The following TESMIN variants were observed in gnomAD, a reference collection of about 807,000 sequenced individuals.
The protein encoded by TESMIN is CXC domain containing 2.
TESMIN carries 34 observed loss-of-function variants against 47.4 expected under a neutral mutation model. The observed-to-expected ratio is 0.72, with a 90% CI of 0.55 to 0.96. TESMIN has a LOEUF of 0.96. TESMIN is among the 40% of genes least tolerant of loss of function. The pLI, the probability that TESMIN is intolerant of heterozygous loss-of-function variation, is 0.00. For missense variants in TESMIN, 610 were observed against 637.2 expected, an observed-to-expected ratio of 0.96 and a Z score of 0.46; for synonymous variants, 278 against 258.9, an observed-to-expected ratio of 1.07 and a Z score of -0.71.
chr11:68,751,148 CAGGAGAGG>C (rs1946601164), intron 1 of TESMIN, among the ~76,000 whole-genome samples: 1 of 15,158 alleles, frequency 6.6e-5, no homozygotes, highest in African/African-American at 3.2e-4. Context: ...AAGGGGCGGC[CAGGAGAGG>C]GGCCGGCCGG....
chr11:68,708,756 C>A (rs61887053), intron 9 of TESMIN, among the ~76,000 whole-genome samples: 1 of 101,734 alleles, frequency 9.8e-6, no homozygotes, highest in Admixed American at 1.1e-4. Flanking sequence ...CAAAGTGAGA[C>A]CCTTTTTTTT....
At chr11:68,740,195 G>A (rs1316906566) in intron 5 of TESMIN, among the ~76,000 whole-genome samples, 1 of 152,164 alleles carries the variant, frequency 6.6e-6, no homozygotes, top group African/African-American at 2.4e-5. Flanking sequence ...CAGGTTTGGG[G>A]TGGAACCTGA....
chr11:68,711,142 T>G, intron 8 of TESMIN, 93 bp from the exon 9 acceptor site: 1 of 1,109,296 alleles, frequency 9.0e-7, no homozygotes, highest in Non-Finnish European at 1.3e-6. Context: ...ATTCTTCGCG[T>G]ATATTTGCCC....
chr11:68,740,635 G>T (rs1334621012), intron 5 of TESMIN, among the ~76,000 whole-genome samples: 1 of 152,166 alleles, frequency 6.6e-6, no homozygotes, highest in African/African-American at 2.4e-5. Context: ...GCCAGATCCC[G>T]ACTTACACTC....
Position 68,750,254 on chromosome 11 carries a change from G to A in TESMIN, c.407C>T (p.Ala136Val). The A allele has an allele frequency of 2.6e-6, 4 of 1,539,768 alleles. No homozygotes were observed. The highest frequency in any genetic ancestry group is 2.6e-6 in the Non-Finnish European group (3 of 1,152,872). The change falls in exon 2 of 10, where the codon GCG (alanine) becomes GTG (valine). Residue 136 changes from alanine (A) to valine (V), a missense_variant. Transcript: ENST00000255087. ...SSLLPAHRSPAVLPLGAWVLE... is the reference protein window; with the variant it reads ...SSLLPAHRSPVVLPLGAWVLE... Reference sequence around the variant, plus strand: ...GACCCAGGCGCCCAGGGGCAACACCGCCGGGCTGCGGTGCGCGGGTAGCAG... The same window carrying A: ...GACCCAGGCGCCCAGGGGCAACACCACCGGGCTGCGGTGCGCGGGTAGCAG...
intron 5 of TESMIN, 27 bp downstream of exon 5, chr11:68,742,291 A>AT (rs762453257): frequency 7.0e-7 from 1 of 1,420,086 alleles, no homozygotes; most frequent in Non-Finnish European, 9.7e-7. Context: ...GCAAAATTGT[A>AT]TTTTTTAAAT....
At position 68,708,096 on chromosome 11, in the gene TESMIN, C is replaced by A; in HGVS notation, c.*212G>T. Reference sequence around the variant, plus strand: ...GGGAACCCAAGCTCTCTCCTCTGGGCCAGACAAACAATGCTCAGGCCATGC... The same window carrying A: ...GGGAACCCAAGCTCTCTCCTCTGGGACAGACAAACAATGCTCAGGCCATGC... On this transcript the variant is annotated 3_prime_UTR_variant, in exon 10 of 10. Transcript: ENST00000255087. The A allele has an allele frequency of 1.8e-6, 1 of 561,418 alleles. No homozygotes were observed. The highest frequency in any genetic ancestry group is 3.2e-6 in the Non-Finnish European group (1 of 314,640). 34.8% of individuals were successfully genotyped at this position (561,418 alleles called of 1,614,324 possible).
At position 68,742,317 on chromosome 11, in the gene TESMIN, C is replaced by T. The variant is rs762557653; in HGVS notation, c.828+1G>A. On this transcript the variant is annotated splice_donor_variant, in intron 5 of 9. Transcript: ENST00000255087. LOFTEE classifies it high-confidence loss of function. Reference sequence around the variant, plus strand: ...TTTTTTAAATTAAAACAATGACTCACTTGTTGTGTAATGAGATTTAATTTT... The same window carrying T: ...TTTTTTAAATTAAAACAATGACTCATTTGTTGTGTAATGAGATTTAATTTT... 8 of 1,571,998 alleles carry T rather than the reference C, an allele frequency of 5.1e-6. No homozygotes were observed. Among genetic ancestry groups the T allele is most frequent in the Middle Eastern group, 3.5e-4 (2 of 5,772 alleles).
chr11:68,716,879 CT>C (rs1390323146), intron 6 of TESMIN, among the ~76,000 whole-genome samples: 3 of 152,258 alleles, frequency 2.0e-5, no homozygotes, highest in Non-Finnish European at 2.9e-5. Context: ...GAGAAGACCC[CT>C]GTCACTGTCT....
intron 9 of TESMIN, among the ~76,000 whole-genome samples, chr11:68,709,079 G>GAAA (rs1437948831): frequency 1.2e-5 from 1 of 86,852 alleles, no homozygotes; most frequent in Non-Finnish European, 2.5e-5. Context: ...AAAAAAAAAA[G>GAAA]AAAGAAAAGA....
At position 68,710,909 on chromosome 11, in the gene TESMIN, C is replaced by T. The variant is rs867073198; in HGVS notation, c.1299G>A (p.Thr433=). ...TGAATCTTGGAAGTCCTGAAAATTT[C>T]GTTGGTGGCAGGTAATGGCTGCCTT... The part of the protein sequence containing the change: ...GLEGSHYLPP[T]KFSGLPRFSH... The change falls in exon 9 of 10, where the codon ACG becomes ACA. Residue 433 remains threonine, a synonymous_variant. Transcript: ENST00000255087. 1.9e-6 allele frequency: 3 copies of T among 1,613,592 alleles called. No homozygotes were observed. The highest frequency in any genetic ancestry group is 1.1e-5 in the South Asian group (1 of 90,890).
Position 68,723,824 on chromosome 11 carries a change from CAA to C in TESMIN, c.918-7887_918-7886del, listed in dbSNP as rs1419406249. 3.3e-5 allele frequency among the ~76,000 whole-genome samples: 5 copies of C among 152,100 alleles called. No individual in the cohort carries two copies. In the East Asian group the frequency reaches 9.6e-4, roughly 29 times the overall value. On this transcript the variant is annotated intron_variant, in intron 6 of 9. Transcript: ENST00000255087. Reference sequence around the variant, plus strand: ...AAAATATAAAATATCAAAATTGACTCAAGAAAAAACATAAAAAAGAAAACAAA... The same window carrying C: ...AAAATATAAAATATCAAAATTGACTCGAAAAAACATAAAAAAGAAAACAAA...
At chr11:68,740,456 G>C (rs1282945266) in intron 5 of TESMIN, among the ~76,000 whole-genome samples, 1 of 152,168 alleles carries the variant, frequency 6.6e-6, no homozygotes, top group Non-Finnish European at 1.5e-5. Context: ...GCAAGTTGTG[G>C]CCAAATGGGT....
At chr11:68,705,437 C>T (rs565571805), downstream of TESMIN, among the ~76,000 whole-genome samples, 2 of 152,140 alleles carry the variant, frequency 1.3e-5, no homozygotes, top group Admixed American at 6.5e-5. Flanking sequence ...GCATCCAAGC[C>T]GAGATGAAAA....
chr11:68,714,275 G>A (rs1054315724), intron 7 of TESMIN, among the ~76,000 whole-genome samples: 1 of 152,240 alleles, frequency 6.6e-6, no homozygotes, highest in Non-Finnish European at 1.5e-5. Flanking sequence ...GCGGTGCGCG[G>A]CTTTAGGCAT....
At chr11:68,722,512 A>T (rs2153991235) in intron 6 of TESMIN, among the ~76,000 whole-genome samples, 1 of 152,176 alleles carries the variant, frequency 6.6e-6, no homozygotes, top group Middle Eastern at 3.4e-3. Context: ...ACCTAAATAA[A>T]ACTTAAAACT....
At chr11:68,715,794 T>C (rs748029222) in intron 7 of TESMIN, 43 bp downstream of exon 7, 1 of 1,387,938 alleles carries the variant, frequency 7.2e-7, no homozygotes, top group African/African-American at 1.4e-5. Context: ...TCAAACAGTT[T>C]GAAATGCTTT....
intron 4 of TESMIN, 66 bp downstream of exon 4, chr11:68,744,925 A>G: frequency 7.3e-7 from 1 of 1,375,370 alleles, no homozygotes; most frequent in East Asian, 2.5e-5. Flanking sequence ...TTATATACAA[A>G]GCCAAACATA....
chr11:68,738,537 C>T (rs1946415257), intron 6 of TESMIN, 163 bp downstream of exon 6: 1 of 1,407,534 alleles, frequency 7.1e-7, no homozygotes, highest in Middle Eastern at 2.6e-4. Context: ...CAGACACAGA[C>T]AGCAACACCG....
Sources: allele counts gnomAD v4.1 joint callset (sites outside exome capture counted in the v4.1 genomes callset), GRCh38; gene constraint gnomAD v4.1.1; transcripts MANE v1.5; gene names NCBI Gene and HGNC (gene_info 2026-07-23, HGNC 2026-07-21).